The following SND1 variants were observed in gnomAD, a reference collection of about 807,000 sequenced individuals.
The protein encoded by SND1 is staphylococcal nuclease and tudor domain containing 1.
Under a neutral mutation model 121.7 loss-of-function variants are expected in SND1, and 38 were observed. The ratio of observed to expected loss-of-function variants is 0.31; its 90% CI spans 0.24 to 0.41. SND1 has a LOEUF of 0.41. Among genes scored for constraint, SND1 ranks in the 10% least tolerant of loss-of-function variants. The pLI is 1.00. For synonymous variants in SND1, 401 were observed against 447.4 expected (o/e 0.90, Z 1.31); for missense variants, 868 against 1,184.6 (o/e 0.73, Z 3.92).
intron 14 of SND1, among the ~76,000 whole-genome samples, chr7:127,909,494 A>C (rs912070964): frequency 1.3e-5 from 2 of 151,138 alleles, no homozygotes; most frequent in African/African-American, 4.9e-5. Context: ...CTTTATCACC[A>C]AGGCTGGACT....
At chr7:127,702,676 G>A (rs1005997351) in intron 6 of SND1, 150 bp downstream of exon 6, 1 of 650,760 alleles carries the variant, frequency 1.5e-6, no homozygotes, top group Non-Finnish European at 2.8e-6. Flanking sequence ...AAACTTTGTA[G>A]TACGACAGTT....
At chr7:128,054,102 T>C (rs1049814030) in intron 16 of SND1, among the ~76,000 whole-genome samples, 6 of 152,200 alleles carry the variant, frequency 3.9e-5, no homozygotes, top group Non-Finnish European at 7.3e-5. Flanking sequence ...GTCTCCTTTC[T>C]GGGGCTGAGT....
chr7:127,764,948 G>A (rs1374031387), intron 10 of SND1, among the ~76,000 whole-genome samples: 6 of 152,156 alleles, frequency 3.9e-5, no homozygotes, highest in Admixed American at 3.9e-4. Context: ...TATTGCAGAT[G>A]GTTTCCCCCT....
At chr7:128,005,575 C>T (rs1004093963) in intron 16 of SND1, among the ~76,000 whole-genome samples, 1 of 152,228 alleles carries the variant, frequency 6.6e-6, no homozygotes, top group African/African-American at 2.4e-5. Context: ...TTGTCATGAG[C>T]TATCCATTTC....
intron 2 of SND1, 86 bp from the exon 3 acceptor site, chr7:127,694,742 T>TC: frequency 6.6e-7 from 1 of 1,520,060 alleles, no homozygotes; most frequent in South Asian, 1.2e-5. Context: ...TACTCAGACA[T>TC]TTACTGAAGG....
intron 15 of SND1, among the ~76,000 whole-genome samples, chr7:127,961,350 T>C (rs1234802460): frequency 6.6e-6 from 1 of 152,234 alleles, no homozygotes; most frequent in East Asian, 1.9e-4. Context: ...TATTTTCTTC[T>C]TTACAAATAA....
intron 14 of SND1, among the ~76,000 whole-genome samples, chr7:127,915,918 C>G (rs745643060): frequency 3.3e-5 from 5 of 151,792 alleles, no homozygotes; most frequent in Non-Finnish European, 7.4e-5. Context: ...ACGTTATAGT[C>G]CTTGAAAAGG....
At chr7:127,899,716 A>G (rs909888082) in intron 13 of SND1, among the ~76,000 whole-genome samples, 1 of 152,178 alleles carries the variant, frequency 6.6e-6, no homozygotes, top group Non-Finnish European at 1.5e-5. Flanking sequence ...AGTGGTGTGC[A>G]ATATTCAGTC....
intron 15 of SND1, among the ~76,000 whole-genome samples, chr7:127,937,551 A>AAG (rs1801087099): frequency 6.6e-6 from 1 of 151,996 alleles, no homozygotes; most frequent in South Asian, 2.1e-4. Context: ...GCATTGAGAA[A>AAG]AGTTCTAAGT....
intron 4 of SND1, among the ~76,000 whole-genome samples, chr7:127,699,210 G>C (rs539008299): frequency 2.0e-5 from 3 of 152,300 alleles, no homozygotes; most frequent in African/African-American, 7.2e-5. Flanking sequence ...ACAAGTCTTA[G>C]ACTAGATATT....
At chr7:127,737,443 C>T (rs557569812) in intron 10 of SND1, among the ~76,000 whole-genome samples, 12 of 152,126 alleles carry the variant, frequency 7.9e-5, no homozygotes, top group East Asian at 1.9e-4. Flanking sequence ...GGTGTGGTGG[C>T]GGGCACCTGT....
At chr7:127,855,462 A>G (rs1170905234) in intron 12 of SND1, among the ~76,000 whole-genome samples, 2 of 150,282 alleles carry the variant, frequency 1.3e-5, no homozygotes, top group African/African-American at 4.9e-5. Flanking sequence ...GAGGTAAAAA[A>G]CTCAGCTCTA....
chr7:127,823,376 T>C (rs1165581652), intron 11 of SND1, among the ~76,000 whole-genome samples: 1 of 152,126 alleles, frequency 6.6e-6, no homozygotes. Flanking sequence ...AAGGGGGAGC[T>C]GGGAGAGAAC....
chr7:127,844,397 C>G lies in SND1; in HGVS notation c.1316C>G (p.Thr439Ser), dbSNP rs903850650. ...TETVPAFSER[T>S]CATVTIGGIN... is the part of the protein sequence containing the mutation. ...ACAGTGCCTGCCTTTTCAGAGCGTACCTGTGCCACTGTCACCATTGGAGGA... is the reference window on the plus strand; with the variant it reads ...ACAGTGCCTGCCTTTTCAGAGCGTAGCTGTGCCACTGTCACCATTGGAGGA... The change falls in exon 12 of 24, where the codon ACC becomes AGC. Residue 439 changes from threonine (T) to serine (S), a missense_variant. Coordinates refer to ENST00000354725, the MANE Select transcript of SND1 (RefSeq NM_014390.4). The G allele has an allele frequency of 1.9e-6, 3 of 1,613,470 alleles. No individual in the cohort carries two copies. The highest frequency in any genetic ancestry group is 1.7e-6 in the Non-Finnish European group (2 of 1,179,668).
chr7:127,950,819 A>G (rs1200357570), intron 15 of SND1, among the ~76,000 whole-genome samples: 1 of 152,238 alleles, frequency 6.6e-6, no homozygotes, highest in Non-Finnish European at 1.5e-5. Flanking sequence ...CTGCATACTC[A>G]TTAGGATGGC....
chr7:127,783,749 C>T (rs1797764275), intron 10 of SND1, among the ~76,000 whole-genome samples: 1 of 152,282 alleles, frequency 6.6e-6, no homozygotes, highest in Admixed American at 6.5e-5. Context: ...TTATTGAGCA[C>T]CTACTGTACC....
At chr7:127,775,321 C>T (rs779817546) in intron 10 of SND1, among the ~76,000 whole-genome samples, 1 of 150,204 alleles carries the variant, frequency 6.7e-6, no homozygotes, top group Admixed American at 6.7e-5. Context: ...GTGGCACATT[C>T]CCCCACCCCC....
chr7:127,656,579 T>A (rs1795213892), intron 1 of SND1, among the ~76,000 whole-genome samples: 1 of 152,122 alleles, frequency 6.6e-6, no homozygotes. Context: ...CCTCCCAAAG[T>A]GCTGGGATTA....
chr7:127,952,718 G>C (rs182432753), intron 15 of SND1, among the ~76,000 whole-genome samples: 1 of 152,302 alleles, frequency 6.6e-6, no homozygotes, highest in Non-Finnish European at 1.5e-5. Flanking sequence ...TATCAAAATT[G>C]AAAGTGTCAG....
Sources: gnomAD v4.1 joint callset for allele counts (sites outside exome capture counted in the v4.1 genomes callset) on GRCh38, gnomAD v4.1.1 for gene constraint, MANE v1.5 for transcripts, NCBI Gene and HGNC (gene_info 2026-07-23, HGNC 2026-07-21) for gene names.